The following MYO5C variants were observed in gnomAD, a reference collection of about 807,000 sequenced individuals.
MYO5C encodes unconventional myosin-Vc.
A neutral mutation model predicts 235.7 loss-of-function variants in MYO5C; 194 were observed. The observed-to-expected ratio is 0.82, with a 90% CI of 0.73 to 0.93. The LOEUF is 0.93. Among genes scored for constraint, MYO5C ranks in the 40% least tolerant of loss-of-function variants. The pLI, the probability that MYO5C is intolerant of heterozygous loss-of-function variation, is 0.00. For synonymous variants in MYO5C, 707 were observed against 754.8 expected (o/e 0.94, Z 1.04); for missense variants, 2,038 against 2,127.2 (o/e 0.96, Z 0.82).
chr15:52,202,206 G>A (rs994505825), intron 38 of MYO5C, among the ~76,000 whole-genome samples: 8 of 152,024 alleles, frequency 5.3e-5, no homozygotes, highest in African/African-American at 1.7e-4. Context: ...GTGAAACCCC[G>A]TCTCTATTAA....
At chr15:52,286,315 T>C (rs1367422944) in intron 1 of MYO5C, among the ~76,000 whole-genome samples, 6 of 125,526 alleles carry the variant, frequency 4.8e-5, no homozygotes, top group South Asian at 5.3e-4. Context: ...GGGAGGGAGG[T>C]GGGGGGGGTC....
chr15:52,208,512 T>G (rs1392637675), intron 36 of MYO5C, 42 bp downstream of exon 36: 2 of 1,582,160 alleles, frequency 1.3e-6, no homozygotes, highest in African/African-American at 1.3e-5. Flanking sequence ...GGTTATAGAC[T>G]GGCTGTCAGC....
chr15:52,257,096 A>G (rs1163795866), intron 10 of MYO5C, among the ~76,000 whole-genome samples: 1 of 152,258 alleles, frequency 6.6e-6, no homozygotes, highest in African/African-American at 2.4e-5. Flanking sequence ...TTGTGTCAGA[A>G]CTTAGCTGCG....
chr15:52,288,699 C>G (rs1486828670), intron 1 of MYO5C, among the ~76,000 whole-genome samples: 2 of 152,242 alleles, frequency 1.3e-5, no homozygotes. Context: ...AACAATGTAA[C>G]CAGCTGTCAA....
In MYO5C at chr15:52,241,786, C is replaced by T. The variant is rs377745559; in HGVS notation, c.2556+262G>A. Reference sequence around the variant, plus strand: ...AGACAGGGTCTCCCTCTGTCACCCACGCAGGCTGGAGTGTACTGGCATGAT... The same window carrying T: ...AGACAGGGTCTCCCTCTGTCACCCATGCAGGCTGGAGTGTACTGGCATGAT... On this transcript the variant is annotated intron_variant, in intron 20 of 40. Coordinates refer to ENST00000261839, the MANE Select transcript of MYO5C (RefSeq NM_018728.4). Among the ~76,000 whole-genome samples the T allele has an allele frequency of 3.9e-4, 59 of 152,020 alleles. 1 individual carries two copies. Among genetic ancestry groups the T allele is most frequent in the African/African-American group, 1.4e-3 (56 of 41,458 alleles).
At position 52,212,907 on chromosome 15, in the gene MYO5C, C is replaced by A. The variant is rs143551399; in HGVS notation, c.4141+281G>T. ...CAACTGAGGACAGTTTTGGCCCCCA[C>A]AGGACATTCGGCAATACCTGGAGAT... On this transcript the variant is annotated intron_variant, in intron 34 of 40. Transcript: ENST00000261839. Among the ~76,000 whole-genome samples the A allele has an allele frequency of 3.2e-3, 488 of 152,308 alleles. 5 individuals are homozygous for A. Among genetic ancestry groups the A allele is most frequent in the African/African-American group, 0.011 (459 of 41,564 alleles).
intron 38 of MYO5C, among the ~76,000 whole-genome samples, chr15:52,203,304 T>C (rs1421133812): frequency 6.6e-6 from 1 of 152,208 alleles, no homozygotes; most frequent in East Asian, 1.9e-4. Context: ...CAAGCATTTA[T>C]TGAGTTACAA....
intron 10 of MYO5C, 85 bp from the exon 11 acceptor site, chr15:52,256,805 C>T: frequency 5.7e-6 from 6 of 1,060,748 alleles, no homozygotes; most frequent in Non-Finnish European, 8.6e-6. Flanking sequence ...CACTTAAAAG[C>T]TTAAACGTTT....
At position 52,213,543 on chromosome 15, in the gene MYO5C, G is replaced by A. The variant is rs1436462461; in HGVS notation, c.4043-257C>T. On this transcript the variant is annotated intron_variant, in intron 33 of 40. Transcript: ENST00000261839. ...GAAGAGCCTTATGAGTGCCTGATAT[G>A]TATCCAGCACATGGTAACAGGAAAG... 2.1e-5 allele frequency: 7 copies of A among 339,204 alleles called. No individual in the cohort carries two copies. The East Asian group carries it at 3.6e-4, about 18-fold the overall frequency. 21.0% of individuals were successfully genotyped at this position (339,204 alleles called of 1,614,324 possible). A position where few individuals can be genotyped will look rare whatever the true frequency, so the allele number is the denominator to read the frequency against.
At chr15:52,256,388 G>A (rs948631700) in intron 11 of MYO5C, among the ~76,000 whole-genome samples, 1 of 152,130 alleles carries the variant, frequency 6.6e-6, no homozygotes, top group African/African-American at 2.4e-5. Flanking sequence ...TGCACAGAGG[G>A]TCTGTATCCA....
chr15:52,295,500 C>A (rs1239459113), intron 1 of MYO5C, 110 bp downstream of exon 1: 1 of 1,293,676 alleles, frequency 7.7e-7, no homozygotes, highest in South Asian at 1.7e-5. Flanking sequence ...GCCCGCCCTG[C>A]CGTGTCAGGT....
chr15:52,235,591 C>T (rs2036062259), intron 23 of MYO5C, 79 bp downstream of exon 23: 1 of 1,157,056 alleles, frequency 8.6e-7, no homozygotes, highest in Non-Finnish European at 1.2e-6. Flanking sequence ...ACCCCTGGTT[C>T]TAAAACTGGT....
chr15:52,252,977 T>C (rs1237292535), intron 12 of MYO5C, among the ~76,000 whole-genome samples: 1 of 152,170 alleles, frequency 6.6e-6, no homozygotes, highest in Non-Finnish European at 1.5e-5. Context: ...AGAATCAGGA[T>C]GTAAAAGAAA....
Position 52,244,470 on chromosome 15 carries a change from C to G in MYO5C, c.2276G>C (p.Ser759Thr), listed in dbSNP as rs1410354921. ...CATGTGCTTTTGTACCATAACACAACTCTGCCTCAGTTTATCCAATCGAAG... is the reference window on the plus strand; with the variant it reads ...CATGTGCTTTTGTACCATAACACAAGTCTGCCTCAGTTTATCCAATCGAAG... Reference protein sequence around the residue: ...EKLRLDKLRQSCVMVQKHMRG... With the variant: ...EKLRLDKLRQTCVMVQKHMRG... The change falls in exon 19 of 41, where the codon AGT (serine) becomes ACT (threonine). Residue 759 changes from serine (S) to threonine (T), a missense_variant. Transcript: ENST00000261839. 6 of 1,614,128 alleles carry G rather than the reference C, an allele frequency of 3.7e-6. No homozygotes were observed. The African/African-American group carries it at 8.0e-5, about 22-fold the overall frequency.
intron 4 of MYO5C, chr15:52,277,242 G>A (rs757935123): frequency 3.8e-6 from 2 of 528,872 alleles, no homozygotes; most frequent in East Asian, 1.1e-4. Flanking sequence ...TTTGGGCTCC[G>A]TTCTGTTATG....
chr15:52,287,943 T>G (rs1466244784), intron 1 of MYO5C, among the ~76,000 whole-genome samples: 1 of 151,366 alleles, frequency 6.6e-6, no homozygotes, highest in Non-Finnish European at 1.5e-5. Context: ...GCCATTGCAC[T>G]GCAGCCTGGG....
chr15:52,214,639 C>G lies in MYO5C; in HGVS notation c.4006G>C (p.Asp1336His), dbSNP rs776230865. 2.8e-5 allele frequency: 45 copies of G among 1,608,688 alleles called. No individual in the cohort carries two copies. Among genetic ancestry groups the G allele is most frequent in the Non-Finnish European group, 3.7e-5 (44 of 1,177,374 alleles). The change falls in exon 33 of 41, where the codon GAT (aspartate) becomes CAT (histidine). Residue 1336 changes from aspartate (D) to histidine (H), a missense_variant. Asp to His is a moderately conservative substitution (Grantham distance 81). Coordinates refer to ENST00000261839, the MANE Select transcript of MYO5C (RefSeq NM_018728.4). ...GTCTTGCTTAGTGTCTTGACTTGATCTTGTAGCTTTTTAATCACTCTGTCT... is the reference window on the plus strand; with the variant it reads ...GTCTTGCTTAGTGTCTTGACTTGATGTTGTAGCTTTTTAATCACTCTGTCT... ...MKDRVIKKLQ[D>H]QVKTLSKTIG...
intron 1 of MYO5C, among the ~76,000 whole-genome samples, chr15:52,289,729 C>A (rs143977340): frequency 1.4e-4 from 21 of 152,306 alleles, no homozygotes; most frequent in African/African-American, 5.1e-4. Context: ...ATTGGAATTC[C>A]TGTGGGTGGG....
chr15:52,219,819 T>A lies in MYO5C; in HGVS notation c.3725A>T (p.Lys1242Ile), dbSNP rs889756898. Reference protein sequence around the residue: ...LNEQAEKMKGKLEELSNQLHR... With the variant: ...LNEQAEKMKGILEELSNQLHR... ...TAACTGATTAGACAATTCTTCTAGT[T>A]TTCCTATAATGAGAAGAACTGTCAG... The change falls in exon 31 of 41, where the codon AAA becomes ATA. Residue 1242 changes from lysine to isoleucine, a missense_variant. By Grantham distance (102) the Lys-to-Ile change is moderately radical. Transcript: ENST00000261839. 1.2e-6 allele frequency: 2 copies of A among 1,610,518 alleles called. No homozygotes were observed. Among genetic ancestry groups the A allele is most frequent in the African/African-American group, 2.7e-5 (2 of 74,870 alleles).
Sources: gnomAD v4.1 joint callset for allele counts (sites outside exome capture counted in the v4.1 genomes callset) on GRCh38, gnomAD v4.1.1 for gene constraint, MANE v1.5 for transcripts, NCBI Gene and HGNC (gene_info 2026-07-23, HGNC 2026-07-21) for gene names.